Variants in PRLR observed in about 807,000 individuals in gnomAD.
PRLR encodes the protein prolactin receptor.
Under a neutral mutation model 40.2 loss-of-function variants are expected in PRLR, and 13 were observed. The observed-to-expected ratio is 0.32, with a 90% confidence interval of 0.21 to 0.51. The LOEUF (loss-of-function observed/expected upper bound fraction) is 0.51, where lower values mean the gene tolerates loss of function less well. Ranked by LOEUF, PRLR falls within the 20% of genes least tolerant of loss-of-function variation. The probability of loss-of-function intolerance (pLI) is 0.97; values close to 1 mark genes in which losing one functional copy is unlikely to be tolerated. For synonymous variants in PRLR, 269 were observed against 278.7 expected (o/e 0.97, Z 0.35); for missense variants, 656 against 747.3 (o/e 0.88, Z 1.42).
intron 3 of PRLR, among the ~76,000 whole-genome samples, chr5:35,087,666 A>G (rs141475964): frequency 9.0e-4 from 137 of 152,216 alleles, no homozygotes; most frequent in African/African-American, 3.2e-3. Context: ...ACTGGATGCT[A>G]GAAGGTCTCA....
At chr5:35,084,336 A>C (rs1770708798) in intron 5 of PRLR, 134 bp downstream of exon 5, 1 of 868,668 alleles carries the variant, frequency 1.2e-6, no homozygotes. Context: ...TGTTCTGTTG[A>C]CAAGCATATC....
chr5:35,133,054 A>G (rs1773736273), intron 1 of PRLR, among the ~76,000 whole-genome samples: 1 of 152,158 alleles, frequency 6.6e-6, no homozygotes, highest in Non-Finnish European at 1.5e-5. Context: ...TTGAGCTGGG[A>G]CATCCCTCTA....
chr5:35,070,738 G>A (rs955801231), intron 6 of PRLR, among the ~76,000 whole-genome samples: 1 of 150,946 alleles, frequency 6.6e-6, no homozygotes, highest in Non-Finnish European at 1.5e-5. Context: ...AGCTACTTGG[G>A]AAGGTGAGGA....
At chr5:35,150,603 G>A (rs966549443) in intron 1 of PRLR, among the ~76,000 whole-genome samples, 9 of 152,186 alleles carry the variant, frequency 5.9e-5, no homozygotes, top group African/African-American at 2.2e-4. Context: ...TGGAAATACA[G>A]CTGCGTGCTT....
chr5:35,053,094 T>C (rs184021212), downstream of PRLR, among the ~76,000 whole-genome samples: 1 of 152,278 alleles, frequency 6.6e-6, no homozygotes, highest in East Asian at 1.9e-4. Context: ...ATGCCTTATA[T>C]GTAATAGTGA....
intron 1 of PRLR, among the ~76,000 whole-genome samples, chr5:35,166,400 A>G (rs746789754): frequency 6.6e-6 from 1 of 152,180 alleles, no homozygotes; most frequent in Non-Finnish European, 1.5e-5. Context: ...TACACAAAAG[A>G]CACTCTTGGG....
At chr5:35,167,326 G>A (rs1774868909) in intron 1 of PRLR, among the ~76,000 whole-genome samples, 1 of 152,066 alleles carries the variant, frequency 6.6e-6, no homozygotes. Context: ...AGCAAGAATA[G>A]ATGTGGCATT....
intron 5 of PRLR, among the ~76,000 whole-genome samples, chr5:35,078,643 G>C (rs1770279706): frequency 6.6e-6 from 1 of 151,942 alleles, no homozygotes; most frequent in South Asian, 2.1e-4. Flanking sequence ...AGAGGAGCTG[G>C]TACCATTCCT....
chr5:35,179,203 G>T (rs1391328358), intron 1 of PRLR, among the ~76,000 whole-genome samples: 2 of 152,136 alleles, frequency 1.3e-5, no homozygotes, highest in African/African-American at 4.8e-5. Context: ...ACACAGAAAT[G>T]TGCCCACAGT....
intron 5 of PRLR, among the ~76,000 whole-genome samples, chr5:35,083,514 C>G (rs1022710993): frequency 1.4e-5 from 2 of 145,596 alleles, no homozygotes; most frequent in African/African-American, 5.3e-5. Context: ...TAAATTCTTT[C>G]TTTTCTTTTC....
At chr5:35,182,304 A>T (rs10067710) in intron 1 of PRLR, among the ~76,000 whole-genome samples, 41,860 of 152,186 alleles carry the variant, frequency 0.28, 7,247 homozygotes, top group South Asian at 0.42. Context: ...ACTGCCGACA[A>T]AAATATTTTC....
At position 35,062,948 on chromosome 5, in the gene PRLR, T is replaced by C. The variant is rs1038882839; in HGVS notation, c.*2141A>G. 2 of 152,248 alleles carry C rather than the reference T, an allele frequency of 1.3e-5. No individual in the cohort carries two copies. The highest frequency in any genetic ancestry group is 2.9e-5 in the Non-Finnish European group (2 of 68,044). The allele number at this position is 152,248 out of a possible 1,614,324, so 9.4% of individuals were successfully genotyped here. ...CCTTTCCAAAAGAGGATTGTTACTA[T>C]GAACTAAAATAACCTTTAGTGGAAA... On this transcript the variant is annotated 3_prime_UTR_variant, in exon 10 of 10. Coordinates refer to ENST00000618457, the MANE Select transcript of PRLR (RefSeq NM_000949.7).
intron 1 of PRLR, among the ~76,000 whole-genome samples, chr5:35,153,378 C>T (rs185977777): frequency 6.6e-6 from 1 of 152,274 alleles, no homozygotes; most frequent in Non-Finnish European, 1.5e-5. Context: ...GGGATTGTCT[C>T]TCTCAAAAGA....
At chr5:35,186,923 C>T (rs1347485704) in intron 1 of PRLR, among the ~76,000 whole-genome samples, 1 of 152,102 alleles carries the variant, frequency 6.6e-6, no homozygotes, top group Non-Finnish European at 1.5e-5. Flanking sequence ...GGGGTTGGTG[C>T]CAGCCTACAC....
chr5:35,131,508 A>G lies in PRLR; in HGVS notation c.-105-13386T>C, dbSNP rs201295304. On this transcript the variant is annotated intron_variant, in intron 1 of 9. Coordinates refer to ENST00000618457, the MANE Select transcript of PRLR (RefSeq NM_000949.7). ...CGCTGGCAAAAGGCATGCAGTTTAT[A>G]AAACATTTTCACTTAACACCCTCCC... Among the ~76,000 whole-genome samples, 32 of 152,286 alleles carry G rather than the reference A, an allele frequency of 2.1e-4. No homozygotes were observed. The East Asian group carries it at 6.0e-3, about 29-fold the overall frequency.
chr5:35,223,441 GGTGATTCTGATGTAAA>G (rs751583927), intron 1 of PRLR, among the ~76,000 whole-genome samples: 76 of 152,294 alleles, frequency 5.0e-4, no homozygotes, highest in Non-Finnish European at 5.1e-4. Flanking sequence ...AAGCTTCTCA[GGTGATTCTGATGTAAA>G]GCTCAGATCT....
At chr5:35,134,085 A>G (rs1019070584) in intron 1 of PRLR, among the ~76,000 whole-genome samples, 1 of 152,168 alleles carries the variant, frequency 6.6e-6, no homozygotes, top group Non-Finnish European at 1.5e-5. Context: ...GGTTTAATGT[A>G]TACTGCTCGG....
At chr5:35,202,460 T>C (rs1775908074) in intron 1 of PRLR, among the ~76,000 whole-genome samples, 1 of 152,176 alleles carries the variant, frequency 6.6e-6, no homozygotes. Flanking sequence ...GATGTACAAC[T>C]TACCCTCAGT....
At chr5:35,140,555 G>T (rs1179294425) in intron 1 of PRLR, among the ~76,000 whole-genome samples, 1 of 152,204 alleles carries the variant, frequency 6.6e-6, no homozygotes, top group East Asian at 1.9e-4. Context: ...TTTCACAAAA[G>T]TGAACACTTA....
Sources: allele counts gnomAD v4.1 joint callset (sites outside exome capture counted in the v4.1 genomes callset), GRCh38; gene constraint gnomAD v4.1.1; transcripts MANE v1.5; gene names NCBI Gene and HGNC (gene_info 2026-07-23, HGNC 2026-07-21).